NPHP3: variants seen among roughly 807,000 people sequenced by gnomAD.
The protein encoded by NPHP3 is nephrocystin 3, also known as nephrocystin-3.
Under a neutral mutation model 171.9 loss-of-function variants are expected in NPHP3, and 123 were observed. That is an observed-to-expected ratio of 0.72 (90% CI 0.62 to 0.83). NPHP3 has a LOEUF of 0.83. Ranked by LOEUF, NPHP3 falls within the 40% of genes least tolerant of loss-of-function variation. NPHP3 has a pLI of 0.00. For missense variants in NPHP3, 1,506 were observed against 1,591.9 expected, an observed-to-expected ratio of 0.95 and a Z score of 0.92; for synonymous variants, 558 against 579.2, an observed-to-expected ratio of 0.96 and a Z score of 0.52.
At chr3:132,694,659 T>C (rs946379936) in intron 16 of NPHP3, among the ~76,000 whole-genome samples, 168 bp downstream of exon 16, 2 of 152,156 alleles carry the variant, frequency 1.3e-5, no homozygotes, top group Non-Finnish European at 2.9e-5. Context: ...TAAATCTCAA[T>C]GATAATCAGG....
rs559570508 is a variant in NPHP3, at chr3:132,719,542, G to A, written c.519+163C>T. On this transcript the variant is annotated intron_variant, in intron 2 of 26. Transcript: ENST00000337331. The stretch of plus-strand genomic sequence containing the variant: ...TTTGAAATGATCTCAAGTTTACCAC[G>A]TCCAACTCAAAAATGTGAAAGTGCT... Among the ~76,000 whole-genome samples the A allele has an allele frequency of 1.2e-4, 18 of 151,700 alleles. No individual in the cohort carries two copies. The South Asian group carries it at 3.5e-3, about 30-fold the overall frequency.
chr3:132,714,161 T>C (rs1279072438), intron 5 of NPHP3, among the ~76,000 whole-genome samples: 1 of 152,238 alleles, frequency 6.6e-6, no homozygotes, highest in Non-Finnish European at 1.5e-5. Context: ...AACGAATGAG[T>C]GCAGCAATGT....
chr3:132,698,895 A>C (rs1426805653), intron 13 of NPHP3, among the ~76,000 whole-genome samples: 1 of 151,506 alleles, frequency 6.6e-6, no homozygotes, highest in Non-Finnish European at 1.5e-5. Context: ...CCTCCCCCCA[A>C]ATCCCTTTTT....
chr3:132,694,742 A>G lies in NPHP3; in HGVS notation c.2310+85T>C, dbSNP rs901705676. 19 of 1,530,178 alleles carry G rather than the reference A, an allele frequency of 1.2e-5. No homozygotes were observed. In the African/African-American group the frequency reaches 2.2e-4, roughly 18 times the overall value. 94.8% of individuals were successfully genotyped at this position (1,530,178 alleles called of 1,614,324 possible). On this transcript the variant is annotated intron_variant, in intron 16 of 26. Transcript: ENST00000337331. Reference sequence around the variant, plus strand: ...TATGCCTGAAACATATTTAAGCACAAATTTTAAAAGAATTGTTATTTATTT... The same window carrying G: ...TATGCCTGAAACATATTTAAGCACAGATTTTAAAAGAATTGTTATTTATTT...
At chr3:132,718,741 G>C (rs1293316562) in intron 3 of NPHP3, among the ~76,000 whole-genome samples, 1 of 152,180 alleles carries the variant, frequency 6.6e-6, no homozygotes, top group African/African-American at 2.4e-5. Context: ...TCTTAGACTA[G>C]AGAGTAAAAG....
In NPHP3 at chr3:132,682,108, A is replaced by G; in HGVS notation, c.3813-18T>C. On this transcript the variant is annotated intron_variant, in intron 26 of 26. Coordinates refer to ENST00000337331, the MANE Select transcript of NPHP3 (RefSeq NM_153240.5). Reference sequence around the variant, plus strand: ...CTTCATAGCTTTGAGAGAGAAAACAAAAACTCTTAAAATGAGAATATAACC... The same window carrying G: ...CTTCATAGCTTTGAGAGAGAAAACAGAAACTCTTAAAATGAGAATATAACC... The G allele has an allele frequency of 6.2e-7, 1 of 1,605,768 alleles. No homozygotes were observed. The highest frequency in any genetic ancestry group is 1.1e-5 in the South Asian group (1 of 90,904).
At position 132,704,272 on chromosome 3, in the gene NPHP3, T is replaced by A; in HGVS notation, c.1450A>T (p.Ile484Leu). 1 of 1,614,214 alleles carries A rather than the reference T, an allele frequency of 6.2e-7. No individual in the cohort carries two copies. The highest frequency in any genetic ancestry group is 1.1e-5 in the South Asian group (1 of 91,082). Residue 484 changes from isoleucine to leucine, a missense_variant, in exon 9 of 27, where the codon ATA becomes TTA. Coordinates refer to ENST00000337331, the MANE Select transcript of NPHP3 (RefSeq NM_153240.5). ...TCCATTTGCTCTTGTTCATCATGTA[T>A]GTCCCACAGAACATCACCAAAATCA... is the stretch of plus-strand genomic sequence containing the variant. Reference protein sequence around the residue: ...EDDFGDVLWDIHDEQEQMETF... With the variant: ...EDDFGDVLWDLHDEQEQMETF...
chr3:132,719,617 T>TA (rs1350275583), intron 2 of NPHP3, 88 bp downstream of exon 2: 90 of 867,880 alleles, frequency 1.0e-4, no homozygotes, highest in South Asian at 1.4e-4. Flanking sequence ...TTACTTCTAT[T>TA]TATTCATCGC....
In NPHP3 at chr3:132,716,760, T is replaced by C. The variant is rs1940063135; in HGVS notation, c.820A>G (p.Arg274Gly). The C allele has an allele frequency of 6.2e-6, 10 of 1,614,026 alleles. No individual in the cohort carries two copies. The highest frequency in any genetic ancestry group is 6.8e-6 in the Non-Finnish European group (8 of 1,179,968). ...DVEGPFANVN[R>G]DDWDIAVASL... is the part of the protein sequence containing the mutation. ...ATTGACAAACAGCATGTATTACCTC[T>C]ATTAACATTTGCAAAGGGTCCTTCC... Residue 274 changes from arginine to glycine, a missense_variant, in exon 4 of 27, where the codon AGA (arginine) becomes GGA (glycine). By Grantham distance (125) the Arg-to-Gly change is moderately radical. Coordinates refer to ENST00000337331, the MANE Select transcript of NPHP3 (RefSeq NM_153240.5).
chr3:132,701,621 C>A, intron 9 of NPHP3, 88 bp from the exon 10 acceptor site: 1 of 866,496 alleles, frequency 1.2e-6, no homozygotes, highest in East Asian at 2.6e-5. Context: ...TTTGAAAATA[C>A]TGGAGAAAAG....
In NPHP3 at chr3:132,715,104, T is replaced by A; in HGVS notation, c.938A>T (p.Glu313Val). The A allele has an allele frequency of 6.2e-7, 1 of 1,612,114 alleles. No individual in the cohort carries two copies. Among genetic ancestry groups the A allele is most frequent in the African/African-American group, 1.3e-5 (1 of 74,984 alleles). Residue 313 changes from glutamate (E) to valine (V), a missense_variant, in exon 5 of 27, where the codon GAG becomes GTG. By Grantham distance (121) the Glu-to-Val change is moderately radical. Coordinates refer to ENST00000337331, the MANE Select transcript of NPHP3 (RefSeq NM_153240.5). ...CCTCACCTTAAGGAAAAGATCCATC[T>A]CAGGCTGGGTTTCATCTGTATAAAT... ...YLIYTDETQPEMDLFLKDYSP... is the reference protein window; with the variant it reads ...YLIYTDETQPVMDLFLKDYSP...
Position 132,700,380 on chromosome 3 carries a change from G to A in NPHP3, c.1697C>T (p.Ser566Leu). 1 of 1,613,484 alleles carries A rather than the reference G, an allele frequency of 6.2e-7. No individual in the cohort carries two copies. The highest frequency in any genetic ancestry group is 8.5e-7 in the Non-Finnish European group (1 of 1,179,468). Residue 566 changes from serine (S) to leucine (L), a missense_variant, in exon 11 of 27, where the codon TCA (serine) becomes TTA (leucine). Transcript: ENST00000337331. Reference protein sequence around the residue: ...ILSHFVGRPMSTSSESSLIIK... With the variant: ...ILSHFVGRPMLTSSESSLIIK... ...AATCAAGGAGGACTCTGAGCTGGTT[G>A]ACATGGGCCTTCCCACAAAATGGGA...
intron 15 of NPHP3, among the ~76,000 whole-genome samples, chr3:132,696,369 T>C (rs1391910638): frequency 6.6e-6 from 1 of 152,256 alleles, no homozygotes; most frequent in Non-Finnish European, 1.5e-5. Context: ...TAAAAATTCA[T>C]ATCCATATAT....
At chr3:132,700,217 A>G in intron 11 of NPHP3, 117 bp downstream of exon 11, 1 of 1,202,222 alleles carries the variant, frequency 8.3e-7, no homozygotes, top group Non-Finnish European at 1.2e-6. Flanking sequence ...TTAACCTTAT[A>G]TAAAACCAAA....
At position 132,719,816 on chromosome 3, in the gene NPHP3, C is replaced by A. The variant is rs141410951; in HGVS notation, c.408G>T (p.Thr136=). 3 of 1,588,846 alleles carry A rather than the reference C, an allele frequency of 1.9e-6. No individual in the cohort carries two copies. Among genetic ancestry groups the A allele is most frequent in the East Asian group, 2.3e-5 (1 of 44,020 alleles). Residue 136 remains threonine (T), a synonymous_variant, in exon 2 of 27, where the codon ACG becomes ACT. Coordinates refer to ENST00000337331, the MANE Select transcript of NPHP3 (RefSeq NM_153240.5). ...LRAELQALQK[T]YQKILREKES... is the part of the protein sequence containing the mutation. ...CTTTTTCTCGAAGTATCTTCTGATA[C>A]GTTTTTTGAAGTGCCTAGAATAATT...
In NPHP3 at chr3:132,684,582, T is replaced by G; in HGVS notation, c.3542A>C (p.Lys1181Thr). ...TTTCTTATACAAGATGGCAAGATGC[T>G]TCACCGTATATGCCAAAGAAGGGTG... ...PDHPSLAYTV[K>T]HLAILYKKMG... The change falls in exon 24 of 27, where the codon AAG (lysine) becomes ACG (threonine). Residue 1181 changes from lysine to threonine, a missense_variant. Transcript: ENST00000337331. 6.2e-7 allele frequency: 1 copy of G among 1,614,040 alleles called. No individual in the cohort carries two copies.
chr3:132,718,609 T>C (rs1395417891), intron 3 of NPHP3, among the ~76,000 whole-genome samples: 2 of 152,216 alleles, frequency 1.3e-5, no homozygotes, highest in South Asian at 2.1e-4. Flanking sequence ...CCAGTTATAG[T>C]TCTGACTAAT....
chr3:132,700,413 AGT>A lies in NPHP3; in HGVS notation c.1662_1663del (p.Leu555AspfsTer21). 6.2e-7 allele frequency: 1 copy of A among 1,612,934 alleles called. No homozygotes were observed. On this transcript the variant is annotated frameshift_variant, in exon 11 of 27. Transcript: ENST00000337331. LOFTEE classifies it high-confidence loss of function. ...CCTTCCCACAAAATGGGAAAGAATCAGTGTGTTGGGGGAATTCTTCTGTTGTA... is the reference window on the plus strand; with the variant it reads ...CCTTCCCACAAAATGGGAAAGAATCAGTGTTGGGGGAATTCTTCTGTTGTA...
rs1485390064 is a variant in NPHP3, at chr3:132,689,350, T to C, written c.2694-87A>G. 4.9e-6 allele frequency: 7 copies of C among 1,415,726 alleles called. No individual in the cohort carries two copies. In the African/African-American group the frequency reaches 9.9e-5, roughly 20 times the overall value. The allele number at this position is 1,415,726 out of a possible 1,614,324, so 87.7% of individuals were successfully genotyped here. On this transcript the variant is annotated intron_variant, in intron 19 of 26. Coordinates refer to ENST00000337331, the MANE Select transcript of NPHP3 (RefSeq NM_153240.5). The stretch of plus-strand genomic sequence containing the variant: ...AAACTCCAGAATTAATATCAAGTTA[T>C]TGACAATTTATTAGTAGGCGAGTAC...
Sources: allele counts gnomAD v4.1 joint callset (sites outside exome capture counted in the v4.1 genomes callset), GRCh38; gene constraint gnomAD v4.1.1; transcripts MANE v1.5; gene names NCBI Gene and HGNC (gene_info 2026-07-23, HGNC 2026-07-21).